The following GALNT17 variants were observed in gnomAD, a reference collection of about 807,000 sequenced individuals.
GALNT17 encodes UDP-GalNAc:polypeptide N-acetylgalactosaminyltransferase-like 3.
A neutral mutation model predicts 63.7 loss-of-function variants in GALNT17; 29 were observed. The ratio of observed to expected loss-of-function variants is 0.46; its 90% confidence interval spans 0.34 to 0.62. GALNT17 has a LOEUF of 0.62. Among genes scored for constraint, GALNT17 ranks in the 20% least tolerant of loss-of-function variants. The pLI is 0.01. For synonymous variants in GALNT17, 305 were observed against 318.3 expected (o/e 0.96, Z 0.45); for missense variants, 603 against 799.6 (o/e 0.75, Z 2.97).
At chr7:71,613,625 A>G (rs1790157539) in intron 6 of GALNT17, among the ~76,000 whole-genome samples, 1 of 151,964 alleles carries the variant, frequency 6.6e-6, no homozygotes, top group East Asian at 1.9e-4. Context: ...ATGTCTGGGT[A>G]TTTTTAGCAA....
intron 6 of GALNT17, among the ~76,000 whole-genome samples, chr7:71,613,107 A>G (rs1272989457): frequency 1.3e-5 from 2 of 152,198 alleles, no homozygotes; most frequent in Non-Finnish European, 2.9e-5. Context: ...AAGCAATTGC[A>G]TTCCCAGCAG....
chr7:71,616,040 G>A (rs1178013565), intron 6 of GALNT17, among the ~76,000 whole-genome samples: 1 of 152,216 alleles, frequency 6.6e-6, no homozygotes, highest in African/African-American at 2.4e-5. Flanking sequence ...TCTTAGTTGG[G>A]CGAGACTGAG....
At chr7:71,625,664 G>A (rs1790361713) in intron 6 of GALNT17, among the ~76,000 whole-genome samples, 1 of 152,114 alleles carries the variant, frequency 6.6e-6, no homozygotes, top group Non-Finnish European at 1.5e-5. Flanking sequence ...TTGCAAGCAG[G>A]TACTTCTCCT....
At position 71,657,359 on chromosome 7, in the gene GALNT17, A is replaced by G. The variant is rs536995757; in HGVS notation, c.1081-8052A>G. On this transcript the variant is annotated intron_variant, in intron 6 of 10. Coordinates refer to ENST00000333538, the MANE Select transcript of GALNT17 (RefSeq NM_022479.3). ...AAAATAAATAAAGTAAATATATTGG[A>G]GAAGGTATGCTTTACATTTTTAAAC... is the stretch of plus-strand genomic sequence containing the variant. Among the ~76,000 whole-genome samples the G allele has an allele frequency of 8.5e-5, 13 of 152,352 alleles. No individual in the cohort carries two copies. In the East Asian group the frequency reaches 2.5e-3, roughly 29 times the overall value.
At chr7:71,664,066 G>A (rs1425906396) in intron 6 of GALNT17, among the ~76,000 whole-genome samples, 1 of 148,818 alleles carries the variant, frequency 6.7e-6, no homozygotes, top group Non-Finnish European at 1.5e-5. Context: ...TGGACCAAGA[G>A]AAGTTGGATA....
chr7:71,463,896 C>T (rs1364697759), intron 5 of GALNT17, among the ~76,000 whole-genome samples: 3 of 152,114 alleles, frequency 2.0e-5, no homozygotes, highest in African/African-American at 7.2e-5. Flanking sequence ...TACTGCAACC[C>T]GTTTTATCAG....
intron 1 of GALNT17, among the ~76,000 whole-genome samples, chr7:71,271,301 C>G (rs1790584106): frequency 6.6e-6 from 1 of 152,210 alleles, no homozygotes; most frequent in Non-Finnish European, 1.5e-5. Flanking sequence ...AATGATCATG[C>G]TTTAGGGTGC....
chr7:71,385,296 G>C (rs1792920928), intron 2 of GALNT17, among the ~76,000 whole-genome samples: 1 of 152,106 alleles, frequency 6.6e-6, no homozygotes, highest in South Asian at 2.1e-4. Flanking sequence ...GTGGTCACCT[G>C]CCCAGCCCGG....
chr7:71,650,787 C>T (rs1337527912), intron 6 of GALNT17, among the ~76,000 whole-genome samples: 1 of 152,124 alleles, frequency 6.6e-6, no homozygotes, highest in Non-Finnish European at 1.5e-5. Context: ...TGTTTTCACC[C>T]TCCCTGCTCT....
chr7:71,145,000 A>T (rs113461821), intron 1 of GALNT17, among the ~76,000 whole-genome samples: 36,986 of 152,026 alleles, frequency 0.24, 5,305 homozygotes, highest in South Asian at 0.41. Flanking sequence ...AATGCTGGGA[A>T]TACAGGTGTG....
intron 1 of GALNT17, among the ~76,000 whole-genome samples, chr7:71,289,304 G>T (rs534485775): frequency 9.4e-4 from 143 of 151,548 alleles, no homozygotes; most frequent in African/African-American, 3.2e-3. Context: ...ATATTCTGGA[G>T]ATTTTGCTTT....
At chr7:71,349,335 CGT>C (rs1216716927) in intron 2 of GALNT17, among the ~76,000 whole-genome samples, 5 of 152,076 alleles carry the variant, frequency 3.3e-5, no homozygotes, top group Admixed American at 6.6e-5. Flanking sequence ...GGGAGAGCCA[CGT>C]GTGCGCTGTG....
At chr7:71,703,316 G>T (rs1791678268) in intron 9 of GALNT17, among the ~76,000 whole-genome samples, 1 of 152,188 alleles carries the variant, frequency 6.6e-6, no homozygotes, top group African/African-American at 2.4e-5. Context: ...TTCTGGTGAG[G>T]CCTCAGGGAG....
intron 7 of GALNT17, 42 bp from the exon 8 acceptor site, chr7:71,669,930 C>G (rs1399698864): frequency 6.2e-7 from 1 of 1,610,264 alleles, no homozygotes; most frequent in East Asian, 2.2e-5. Context: ...CTGGCCAGAG[C>G]TCCACAGTCA....
intron 7 of GALNT17, among the ~76,000 whole-genome samples, chr7:71,667,705 A>C (rs1381840033): frequency 1.3e-5 from 2 of 152,188 alleles, no homozygotes. Context: ...CACAAAGCAC[A>C]TGGGCAGGGA....
chr7:71,428,937 C>T (rs959283626), intron 5 of GALNT17, among the ~76,000 whole-genome samples: 1 of 152,188 alleles, frequency 6.6e-6, no homozygotes, highest in Non-Finnish European at 1.5e-5. Context: ...TCCAGGGACA[C>T]CGGCCACTAG....
At chr7:71,214,579 C>CT (rs11442081) in intron 1 of GALNT17, among the ~76,000 whole-genome samples, 8,019 of 138,008 alleles carry the variant, frequency 0.058, 729 homozygotes, top group African/African-American at 0.19. Flanking sequence ...CTTGATTTGG[C>CT]TTTTTTTTTT....
At chr7:71,347,980 A>G (rs1250199603) in intron 2 of GALNT17, among the ~76,000 whole-genome samples, 1 of 152,168 alleles carries the variant, frequency 6.6e-6, no homozygotes, top group East Asian at 1.9e-4. Context: ...AGGACTGAAT[A>G]TTAAAAAATA....
At chr7:71,195,630 C>T (rs533361899) in intron 1 of GALNT17, among the ~76,000 whole-genome samples, 33 of 151,628 alleles carry the variant, frequency 2.2e-4, no homozygotes, top group African/African-American at 7.8e-4. Context: ...TTACTGCACC[C>T]TCGGACTCCT....
Sources: gnomAD v4.1 joint callset for allele counts (sites outside exome capture counted in the v4.1 genomes callset) on GRCh38, gnomAD v4.1.1 for gene constraint, MANE v1.5 for transcripts, NCBI Gene and HGNC (gene_info 2026-07-23, HGNC 2026-07-21) for gene names.